FRMD4A: variants seen among roughly 807,000 people sequenced by gnomAD.
The protein encoded by FRMD4A is FERM domain-containing protein 4A.
A neutral mutation model predicts 129.1 loss-of-function variants in FRMD4A; 29 were observed. The ratio of observed to expected loss-of-function variants is 0.22; its 90% CI spans 0.17 to 0.31. FRMD4A has a LOEUF of 0.31. FRMD4A is among the 10% of genes least tolerant of loss of function. The probability of loss-of-function intolerance (pLI) is 1.00; values close to 1 mark genes in which losing one functional copy is unlikely to be tolerated. For synonymous variants in FRMD4A, 634 were observed against 571.6 expected (o/e 1.11, Z -1.56); for missense variants, 1,272 against 1,375.8 (o/e 0.92, Z 1.19).
chr10:14,194,750 C>T (rs1288723487), intron 2 of FRMD4A, among the ~76,000 whole-genome samples: 2 of 151,992 alleles, frequency 1.3e-5, no homozygotes, highest in Non-Finnish European at 2.9e-5. Context: ...CCTTAAAGCA[C>T]GTAAAATCTT....
At chr10:14,010,589 C>T (rs1418263435) in intron 2 of FRMD4A, among the ~76,000 whole-genome samples, 1 of 149,226 alleles carries the variant, frequency 6.7e-6, no homozygotes, top group Non-Finnish European at 1.5e-5. Flanking sequence ...GTTGCTGGTC[C>T]AAAAATATCT....
chr10:13,916,362 A>G (rs1009772464), intron 2 of FRMD4A, among the ~76,000 whole-genome samples: 13 of 152,078 alleles, frequency 8.5e-5, no homozygotes, highest in Non-Finnish European at 1.9e-4. Flanking sequence ...TTGCTTCTAC[A>G]TCTACTCTTA....
intron 2 of FRMD4A, among the ~76,000 whole-genome samples, chr10:14,146,100 T>G (rs1840061159): frequency 6.6e-6 from 1 of 152,188 alleles, no homozygotes; most frequent in Admixed American, 6.5e-5. Context: ...GTGGCTCAAT[T>G]TCCTCATCTC....
At chr10:14,085,804 G>A (rs1229175935) in intron 2 of FRMD4A, among the ~76,000 whole-genome samples, 2 of 152,184 alleles carry the variant, frequency 1.3e-5, no homozygotes, top group East Asian at 3.8e-4. Flanking sequence ...AACTTGGAGG[G>A]ATCTGCATTA....
At chr10:14,162,956 C>A (rs1206107655) in intron 2 of FRMD4A, among the ~76,000 whole-genome samples, 1 of 152,080 alleles carries the variant, frequency 6.6e-6, no homozygotes, top group Non-Finnish European at 1.5e-5. Flanking sequence ...ACCGGCATGG[C>A]CATTCGAATC....
intron 5 of FRMD4A, among the ~76,000 whole-genome samples, chr10:13,789,937 G>A (rs1384766660): frequency 3.9e-5 from 6 of 152,050 alleles, no homozygotes; most frequent in Admixed American, 3.9e-4. Flanking sequence ...AGGATCAGAT[G>A]AGAATTCTAG....
intron 4 of FRMD4A, among the ~76,000 whole-genome samples, chr10:13,807,354 T>G (rs1362058800): frequency 6.6e-6 from 1 of 152,212 alleles, no homozygotes; most frequent in African/African-American, 2.4e-5. Flanking sequence ...TGTAGTTTAG[T>G]TAGTAATATA....
At chr10:14,177,228 C>A (rs904070120) in intron 2 of FRMD4A, among the ~76,000 whole-genome samples, 1 of 151,950 alleles carries the variant, frequency 6.6e-6, no homozygotes, top group African/African-American at 2.4e-5. Context: ...GACAAAGTAT[C>A]GCTCTGTTGC....
intron 3 of FRMD4A, among the ~76,000 whole-genome samples, chr10:13,849,529 A>G (rs1439498546): frequency 3.3e-5 from 5 of 149,936 alleles, no homozygotes; most frequent in East Asian, 2.0e-4. Context: ...TGCCCAGGCT[A>G]GAGTGCAATG....
chr10:14,124,193 G>A (rs2131815587), intron 2 of FRMD4A, among the ~76,000 whole-genome samples: 1 of 152,236 alleles, frequency 6.6e-6, no homozygotes, highest in Middle Eastern at 3.4e-3. Context: ...TCAGAGTCAG[G>A]AGACACAAGT....
chr10:14,078,992 A>AGAT (rs1410493469), intron 2 of FRMD4A, among the ~76,000 whole-genome samples: 6 of 152,198 alleles, frequency 3.9e-5, no homozygotes, highest in Non-Finnish European at 8.8e-5. Flanking sequence ...TCAGAGCTTG[A>AGAT]GATAGTCAGA....
At chr10:13,825,006 T>A (rs2093681070) in intron 3 of FRMD4A, among the ~76,000 whole-genome samples, 1 of 152,048 alleles carries the variant, frequency 6.6e-6, no homozygotes, top group South Asian at 2.1e-4. Flanking sequence ...TTTTCCCTCA[T>A]TCCTGGGGGA....
At chr10:14,285,188 A>T (rs565123432) in intron 2 of FRMD4A, among the ~76,000 whole-genome samples, 1 of 152,216 alleles carries the variant, frequency 6.6e-6, no homozygotes, top group South Asian at 2.1e-4. Context: ...TCCCAGCGTG[A>T]TAAGAGTGAG....
intron 2 of FRMD4A, among the ~76,000 whole-genome samples, chr10:14,176,724 G>T (rs550413667): frequency 2.0e-5 from 3 of 151,836 alleles, no homozygotes; most frequent in Non-Finnish European, 4.4e-5. Flanking sequence ...CCACCCCCTC[G>T]GCCTCCCAAA....
At chr10:14,034,191 C>T (rs924181684) in intron 2 of FRMD4A, among the ~76,000 whole-genome samples, 2 of 152,134 alleles carry the variant, frequency 1.3e-5, no homozygotes, top group Admixed American at 1.3e-4. Flanking sequence ...CCTGCCTTTC[C>T]CTAGATGTTC....
chr10:14,048,827 GA>G (rs1429356025), intron 2 of FRMD4A, among the ~76,000 whole-genome samples: 13 of 3,592 alleles, frequency 3.6e-3, no homozygotes, highest in African/African-American at 0.017. Context: ...GAATAGATTA[GA>G]ATAGAATAGA....
chr10:13,765,426 A>T (rs114594484), intron 6 of FRMD4A, among the ~76,000 whole-genome samples: 1 of 151,972 alleles, frequency 6.6e-6, no homozygotes, highest in African/African-American at 2.4e-5. Context: ...CGATTCATGG[A>T]TTTTGTAATT....
intron 2 of FRMD4A, among the ~76,000 whole-genome samples, chr10:13,933,168 A>G (rs2095216978): frequency 6.6e-6 from 1 of 152,178 alleles, no homozygotes; most frequent in African/African-American, 2.4e-5. Flanking sequence ...CAAAAAAAAA[A>G]AATTCTTACT....
intron 12 of FRMD4A, chr10:13,710,755 G>C (rs1045219207): frequency 2.0e-5 from 3 of 152,464 alleles, no homozygotes; most frequent in African/African-American, 7.2e-5. Flanking sequence ...GCTCATGCCT[G>C]GAATCCCAGC....
Sources: allele counts gnomAD v4.1 joint callset (sites outside exome capture counted in the v4.1 genomes callset), GRCh38; gene constraint gnomAD v4.1.1; transcripts MANE v1.5; gene names NCBI Gene and HGNC (gene_info 2026-07-23, HGNC 2026-07-21).